Variants in SEM1 observed in about 807,000 individuals in gnomAD.
The protein encoded by SEM1 is 26S proteasome complex subunit SEM1.
SEM1 carries 3 observed loss-of-function variants against 12.7 expected under a neutral mutation model. The ratio of observed to expected loss-of-function variants is 0.24; its 90% confidence interval spans 0.11 to 0.61. The LOEUF (loss-of-function observed/expected upper bound fraction) is 0.61, where lower values mean the gene tolerates loss of function less well. Among genes scored for constraint, SEM1 ranks in the 20% least tolerant of loss-of-function variants. The pLI is 0.88. For synonymous variants in SEM1, 30 were observed against 27.8 expected (o/e 1.08, Z -0.25); for missense variants, 59 against 81.3 (o/e 0.73, Z 1.06).
At chr7:96,522,505 A>G (rs1804308128) in intron 2 of SEM1, among the ~76,000 whole-genome samples, 1 of 149,694 alleles carries the variant, frequency 6.7e-6, no homozygotes, top group African/African-American at 2.5e-5. Flanking sequence ...CACGATTAGC[A>G]CTCCACCATG....
chr7:96,705,359 C>A (rs959900660), intron 1 of SEM1, among the ~76,000 whole-genome samples: 20 of 142,204 alleles, frequency 1.4e-4, no homozygotes, highest in Admixed American at 2.8e-4. Flanking sequence ...GCTTCTCTCT[C>A]AAAAAAAAAA....
chr7:96,512,725 A>C (rs1189540192), intron 2 of SEM1, among the ~76,000 whole-genome samples: 2 of 152,082 alleles, frequency 1.3e-5, no homozygotes, highest in Non-Finnish European at 2.9e-5. Context: ...TTGTACACTC[A>C]TGGGTTTGTG....
intron 2 of SEM1, among the ~76,000 whole-genome samples, chr7:96,651,558 T>A (rs1270069757): frequency 6.6e-6 from 1 of 152,096 alleles, no homozygotes; most frequent in Non-Finnish European, 1.5e-5. Context: ...AAGAGCAAGA[T>A]GGCAAAAGGA....
chr7:96,607,828 ATCTCTAGGTAGTGT>A (rs1487486287), intron 2 of SEM1, among the ~76,000 whole-genome samples: 1 of 152,014 alleles, frequency 6.6e-6, no homozygotes, highest in African/African-American at 2.4e-5. Context: ...CCTGATCTTA[ATCTCTAGGTAGTGT>A]TCCAGTCTAC....
At chr7:96,546,142 C>T (rs1042319234) in intron 2 of SEM1, among the ~76,000 whole-genome samples, 1 of 151,976 alleles carries the variant, frequency 6.6e-6, no homozygotes, top group Non-Finnish European at 1.5e-5. Context: ...AATCTTGAAG[C>T]GATCAATGAG....
At chr7:96,578,929 G>A (rs1806294614) in intron 2 of SEM1, among the ~76,000 whole-genome samples, 1 of 152,148 alleles carries the variant, frequency 6.6e-6, no homozygotes, top group African/African-American at 2.4e-5. Context: ...TACAATAGCA[G>A]TCACCAGCCT....
intron 2 of SEM1, among the ~76,000 whole-genome samples, chr7:96,552,339 C>A (rs75123818): frequency 6.6e-6 from 1 of 152,122 alleles, no homozygotes; most frequent in African/African-American, 2.4e-5. Flanking sequence ...TATCCCTCCC[C>A]CTCCCACCAC....
intron 2 of SEM1, among the ~76,000 whole-genome samples, chr7:96,657,719 T>C (rs1355978070): frequency 6.6e-6 from 1 of 152,196 alleles, no homozygotes. Context: ...GTTGAGTCAC[T>C]CACAAAAGAA....
chr7:96,631,404 A>G (rs11764017), intron 2 of SEM1, among the ~76,000 whole-genome samples: 4,142 of 152,158 alleles, frequency 0.027, 71 homozygotes, highest in Middle Eastern at 0.051. Context: ...ATAGGACAGC[A>G]CTGAGCTCAG....
chr7:96,596,301 G>T (rs1455397801), intron 2 of SEM1, among the ~76,000 whole-genome samples: 1 of 152,150 alleles, frequency 6.6e-6, no homozygotes, highest in African/African-American at 2.4e-5. Context: ...GTAATATATG[G>T]CCAGTAATTA....
At chr7:96,613,210 T>G (rs1203688506) in intron 2 of SEM1, among the ~76,000 whole-genome samples, 1 of 152,144 alleles carries the variant, frequency 6.6e-6, no homozygotes, top group Non-Finnish European at 1.5e-5. Context: ...TGCAAAATAA[T>G]TCTTGTCTAT....
chr7:96,631,995 C>T (rs1808276473), intron 2 of SEM1, among the ~76,000 whole-genome samples: 1 of 152,066 alleles, frequency 6.6e-6, no homozygotes, highest in Non-Finnish European at 1.5e-5. Flanking sequence ...AAATCAAAAC[C>T]ACAAGGAAAT....
rs1046220350 is a variant in SEM1 at position 96,531,739 on chromosome 7, T to A, written c.171-25041A>T. Among the ~76,000 whole-genome samples the A allele has an allele frequency of 2.0e-5, 3 of 152,012 alleles. No homozygotes were observed. The East Asian group carries it at 5.8e-4, about 29-fold the overall frequency. ...ATGTAGATGCTCAGTGTTAAAGAAA[T>A]TTTAACATTTACCCTATTATTACTG... On this transcript the variant is annotated intron_variant and NMD_transcript_variant, in intron 2 of 3. Transcript: ENST00000466986.
intron 2 of SEM1, among the ~76,000 whole-genome samples, chr7:96,554,822 G>C (rs6465518): frequency 0.52 from 78,907 of 150,544 alleles, 24,719 homozygotes; most frequent in Non-Finnish European, 0.69. Context: ...AATCTATCTG[G>C]TCCTAGACTC....
intron 2 of SEM1, among the ~76,000 whole-genome samples, chr7:96,530,509 T>C (rs1388246568): frequency 6.6e-6 from 1 of 152,030 alleles, no homozygotes; most frequent in East Asian, 1.9e-4. Context: ...TAGTTTGGGA[T>C]CTGCTGGGAA....
At chr7:96,532,097 T>C (rs1804659966) in intron 2 of SEM1, among the ~76,000 whole-genome samples, 2 of 152,062 alleles carry the variant, frequency 1.3e-5, no homozygotes, top group African/African-American at 4.8e-5. Context: ...CCCTTTGATA[T>C]AGGGGCTGTA....
Position 96,534,748 on chromosome 7 carries a change from C to T in SEM1, c.171-28050G>A, listed in dbSNP as rs1044232457. Among the ~76,000 whole-genome samples the T allele has an allele frequency of 5.9e-5, 9 of 152,086 alleles. No individual in the cohort carries two copies. The East Asian group carries it at 1.4e-3, about 23-fold the overall frequency. ...GGAATGCAGAAGCAAATGTGAGAAT[C>T]CACTTACCTTGTATTAAGCCAGACA... On this transcript the variant is annotated intron_variant and NMD_transcript_variant, in intron 2 of 3. Coordinates refer to the SEM1 transcript ENST00000466986.
intron 2 of SEM1, among the ~76,000 whole-genome samples, chr7:96,532,968 TAC>T (rs1018062715): frequency 1.2e-4 from 18 of 152,108 alleles, no homozygotes; most frequent in African/African-American, 3.9e-4. Flanking sequence ...TTACTTCCGC[TAC>T]AGATTGGTAT....
At chr7:96,627,251 TATTTC>T (rs1486624757) in intron 2 of SEM1, among the ~76,000 whole-genome samples, 1 of 151,968 alleles carries the variant, frequency 6.6e-6, no homozygotes, top group African/African-American at 2.4e-5. Flanking sequence ...CCTTCTTTTT[TATTTC>T]ATTTATTTCT....
Sources: allele counts gnomAD v4.1 joint callset (sites outside exome capture counted in the v4.1 genomes callset), GRCh38; gene constraint gnomAD v4.1.1; transcripts MANE v1.5; gene names NCBI Gene and HGNC (gene_info 2026-07-23, HGNC 2026-07-21).